The following NUBPL variants were observed in gnomAD, a reference collection of about 807,000 sequenced individuals.
The protein encoded by NUBPL is NUBP iron-sulfur cluster assembly factor, mitochondrial, also known as iron-sulfur cluster transfer protein NUBPL.
A neutral mutation model predicts 45.7 loss-of-function variants in NUBPL; 31 were observed. That is an observed-to-expected ratio of 0.68 (90% CI 0.51 to 0.92). The LOEUF (loss-of-function observed/expected upper bound fraction) is 0.92. Ranked by LOEUF, NUBPL falls within the 40% of genes least tolerant of loss-of-function variation. NUBPL has a pLI of 0.00. For missense variants in NUBPL, 401 were observed against 398.7 expected, an observed-to-expected ratio of 1.01 and a Z score of -0.05; for synonymous variants, 144 against 140.9, an observed-to-expected ratio of 1.02 and a Z score of -0.15.
chr14:31,714,302 G>C (rs2037639506), intron 6 of NUBPL, among the ~76,000 whole-genome samples: 1 of 151,992 alleles, frequency 6.6e-6, no homozygotes. Context: ...CTTGGCCTTT[G>C]ATGATATCTC....
At chr14:31,567,746 G>A (rs1372681424) in intron 3 of NUBPL, among the ~76,000 whole-genome samples, 2 of 152,150 alleles carry the variant, frequency 1.3e-5, no homozygotes, top group African/African-American at 4.8e-5. Flanking sequence ...ACTTAGGATG[G>A]TTCTTGTAAT....
chr14:31,610,084 T>C (rs1376701811), intron 4 of NUBPL, among the ~76,000 whole-genome samples: 1 of 151,510 alleles, frequency 6.6e-6, no homozygotes, highest in African/African-American at 2.4e-5. Flanking sequence ...AAGAAGTAAA[T>C]GAAATGAAGA....
At chr14:31,690,493 T>C (rs1000353075) in intron 6 of NUBPL, among the ~76,000 whole-genome samples, 1 of 152,084 alleles carries the variant, frequency 6.6e-6, no homozygotes, top group African/African-American at 2.4e-5. Flanking sequence ...AAACACAACA[T>C]CTTTAATGTA....
intron 4 of NUBPL, among the ~76,000 whole-genome samples, chr14:31,627,422 CA>C (rs1159908217): frequency 1.3e-5 from 2 of 151,942 alleles, no homozygotes; most frequent in Non-Finnish European, 2.9e-5. Context: ...CTGAGTATTT[CA>C]TTATAGCATA....
In NUBPL at chr14:31,861,218, A is replaced by G. The variant is rs181594174; in HGVS notation, c.*2038A>G. 34 of 152,350 alleles carry G rather than the reference A, an allele frequency of 2.2e-4. No homozygotes were observed. The highest frequency in any genetic ancestry group is 7.0e-4 in the African/African-American group (29 of 41,586). 9.4% of individuals were successfully genotyped at this position (152,350 alleles called of 1,614,324 possible). ...CAAAATAAAAATAAAAGTTAAAAAAACACAAACTGCTATATCTGAACTGAA... is the reference window on the plus strand; with the variant it reads ...CAAAATAAAAATAAAAGTTAAAAAAGCACAAACTGCTATATCTGAACTGAA... On this transcript the variant is annotated 3_prime_UTR_variant, in exon 11 of 11. Transcript: ENST00000281081.
At chr14:31,672,162 T>C (rs1181730878) in intron 4 of NUBPL, among the ~76,000 whole-genome samples, 1 of 152,300 alleles carries the variant, frequency 6.6e-6, no homozygotes, top group East Asian at 1.9e-4. Flanking sequence ...CAATTTTTCA[T>C]CTCAGATTTC....
chr14:31,853,736 C>T (rs1317086467), intron 10 of NUBPL, among the ~76,000 whole-genome samples: 1 of 152,120 alleles, frequency 6.6e-6, no homozygotes, highest in Non-Finnish European at 1.5e-5. Context: ...AAACCTTCTG[C>T]ACATGTACAC....
chr14:31,630,749 T>C (rs759194668), intron 4 of NUBPL, among the ~76,000 whole-genome samples: 1 of 152,146 alleles, frequency 6.6e-6, no homozygotes, highest in Non-Finnish European at 1.5e-5. Context: ...TTCTAATGAC[T>C]CTCTACCCAA....
chr14:31,645,069 CTT>C (rs34958203), intron 4 of NUBPL, among the ~76,000 whole-genome samples: 33,869 of 139,628 alleles, frequency 0.24, 8,269 homozygotes, highest in African/African-American at 0.64. Flanking sequence ...TTTTTCTTTT[CTT>C]TTTTTTTTTT....
At chr14:31,675,292 G>C (rs2139816281) in intron 6 of NUBPL, among the ~76,000 whole-genome samples, 1 of 152,314 alleles carries the variant, frequency 6.6e-6, no homozygotes, top group East Asian at 1.9e-4. Context: ...CTATCTTACA[G>C]TCTTTCGTGA....
In NUBPL at chr14:31,841,932, T is replaced by G. The variant is rs1422012990; in HGVS notation, c.694-4539T>G. ...CGATTCTGGGCTTTTTTTTTTTTTTTTTTTTTTTTTTTTTTTGAGACGGGG... is the reference window on the plus strand; with the variant it reads ...CGATTCTGGGCTTTTTTTTTTTTTTGTTTTTTTTTTTTTTTTGAGACGGGG... On this transcript the variant is annotated intron_variant, in intron 8 of 10. Coordinates refer to ENST00000281081, the MANE Select transcript of NUBPL (RefSeq NM_025152.3). Among the ~76,000 whole-genome samples, 5 of 123,750 alleles carry G rather than the reference T, an allele frequency of 4.0e-5. 1 individual carries two copies. The highest frequency in any genetic ancestry group is 6.8e-5 in the Non-Finnish European group (4 of 58,954). The allele number at this position is 123,750 out of a possible 152,430, so 81.2% of individuals were successfully genotyped here. A position where few individuals can be genotyped will look rare whatever the true frequency, so the allele number is the denominator to read the frequency against.
At chr14:31,593,688 G>A (rs2034209318) in intron 3 of NUBPL, among the ~76,000 whole-genome samples, 1 of 151,982 alleles carries the variant, frequency 6.6e-6, no homozygotes, top group Non-Finnish European at 1.5e-5. Context: ...GTAGTGTTGT[G>A]GTAAGGGAGT....
chr14:31,774,001 C>G (rs758659920), intron 6 of NUBPL, among the ~76,000 whole-genome samples: 1 of 152,156 alleles, frequency 6.6e-6, no homozygotes, highest in African/African-American at 2.4e-5. Context: ...TTGAGCTGTT[C>G]AAACCAATCT....
intron 3 of NUBPL, among the ~76,000 whole-genome samples, chr14:31,566,851 C>G (rs1204590071): frequency 6.6e-6 from 1 of 152,080 alleles, no homozygotes; most frequent in Non-Finnish European, 1.5e-5. Flanking sequence ...AAGGGGACCA[C>G]TAGTCAAGGA....
Position 31,697,063 on chromosome 14 carries a change from G to A in NUBPL, c.513+23489G>A, listed in dbSNP as rs184506039. On this transcript the variant is annotated intron_variant, in intron 6 of 10. Coordinates refer to ENST00000281081, the MANE Select transcript of NUBPL (RefSeq NM_025152.3). ...AATATAAAGCAAAGATGTTTGGGTC[G>A]TCTTTTGTTCTGACCAGACAGATAA... Among the ~76,000 whole-genome samples the A allele has an allele frequency of 7.2e-5, 11 of 152,288 alleles. No homozygotes were observed. The East Asian group carries it at 1.4e-3, about 19-fold the overall frequency.
At chr14:31,851,746 T>A in intron 10 of NUBPL, among the ~76,000 whole-genome samples, 1 of 87,840 alleles carries the variant, frequency 1.1e-5, no homozygotes, top group Non-Finnish European at 2.1e-5. Flanking sequence ...AAATTGAGGG[T>A]TTTTTTTGCT....
intron 6 of NUBPL, among the ~76,000 whole-genome samples, chr14:31,688,664 T>TTTG (rs1566501861): frequency 6.7e-6 from 1 of 149,192 alleles, no homozygotes; most frequent in Admixed American, 6.6e-5. Context: ...TGTTGTTTTT[T>TTTG]TTTTTTTTTA....
At chr14:31,652,299 G>T (rs1372622647) in intron 4 of NUBPL, among the ~76,000 whole-genome samples, 2 of 152,182 alleles carry the variant, frequency 1.3e-5, no homozygotes, top group African/African-American at 4.8e-5. Context: ...TTCCAAATGG[G>T]AGAATGGGGA....
chr14:31,572,404 T>C lies in NUBPL; in HGVS notation c.291+7356T>C, dbSNP rs559311427. Among the ~76,000 whole-genome samples, 348 of 152,062 alleles carry C rather than the reference T, an allele frequency of 2.3e-3. 1 individual carries two copies. Among genetic ancestry groups the C allele is most frequent in the African/African-American group, 7.5e-3 (312 of 41,444 alleles). ...TCCGCCTGCTTCGGCCTCCCAAAGT[T>C]CTGGGATTACCGGCGTGAGCCACTG... On this transcript the variant is annotated intron_variant, in intron 3 of 10. Coordinates refer to ENST00000281081, the MANE Select transcript of NUBPL (RefSeq NM_025152.3).
Sources: allele counts gnomAD v4.1 joint callset (sites outside exome capture counted in the v4.1 genomes callset), GRCh38; gene constraint gnomAD v4.1.1; transcripts MANE v1.5; gene names NCBI Gene and HGNC (gene_info 2026-07-23, HGNC 2026-07-21).